Variants in FOXP2 observed in about 807,000 individuals in gnomAD.
FOXP2 encodes forkhead box protein P2.
In FOXP2, 12 loss-of-function variants were observed where a neutral mutation model predicts 115.8. The ratio of observed to expected loss-of-function variants is 0.10; its 90% confidence interval spans 0.07 to 0.17. FOXP2 has a LOEUF of 0.17. Ranked by LOEUF, FOXP2 falls within the 10% of genes least tolerant of loss-of-function variation. FOXP2 has a pLI of 1.00. For missense variants in FOXP2, 629 were observed against 843.5 expected (o/e 0.75, Z 3.15); for synonymous variants, 328 against 297.7 (o/e 1.10, Z -1.05).
At chr7:114,509,724 A>G (rs1797982929) in intron 2 of FOXP2, among the ~76,000 whole-genome samples, 1 of 151,918 alleles carries the variant, frequency 6.6e-6, no homozygotes, top group Non-Finnish European at 1.5e-5. Context: ...AAATTTCATA[A>G]TTTTATTTGA....
At chr7:114,360,519 A>G (rs1289725189) in intron 2 of FOXP2, among the ~76,000 whole-genome samples, 1 of 152,168 alleles carries the variant, frequency 6.6e-6, no homozygotes. Context: ...TGATATTATT[A>G]TATCACTAAG....
At chr7:114,325,539 T>C (rs1797534897) in intron 2 of FOXP2, among the ~76,000 whole-genome samples, 3 of 151,986 alleles carry the variant, frequency 2.0e-5, no homozygotes, top group Admixed American at 2.0e-4. Context: ...TCTAATTTTC[T>C]CAGTATATAT....
At chr7:114,330,482 TTA>T (rs35683793) in intron 2 of FOXP2, among the ~76,000 whole-genome samples, 67,720 of 145,702 alleles carry the variant, frequency 0.46, 17,063 homozygotes, top group East Asian at 0.83. Flanking sequence ...AAAAAAAAGT[TTA>T]TATATATATA....
chr7:114,573,871 A>G (rs1801440264), intron 3 of FOXP2, among the ~76,000 whole-genome samples: 2 of 151,868 alleles, frequency 1.3e-5, no homozygotes, highest in South Asian at 4.1e-4. Context: ...ATAATATTAC[A>G]TATTTGATAT....
At chr7:114,425,728 T>C (rs1180423332) in intron 1 of FOXP2, among the ~76,000 whole-genome samples, 1 of 151,686 alleles carries the variant, frequency 6.6e-6, no homozygotes, top group African/African-American at 2.4e-5. Context: ...TATTTGCCTA[T>C]GTTAAAATTG....
At chr7:114,136,846 A>G (rs1050279342) in intron 1 of FOXP2, among the ~76,000 whole-genome samples, 1 of 152,014 alleles carries the variant, frequency 6.6e-6, no homozygotes, top group Non-Finnish European at 1.5e-5. Context: ...GACAACATCA[A>G]TACTAATAAG....
chr7:114,595,987 C>T (rs10254622), intron 3 of FOXP2, among the ~76,000 whole-genome samples: 17,269 of 151,848 alleles, frequency 0.11, 1,080 homozygotes, highest in Middle Eastern at 0.18. Context: ...ATTCAGCTAC[C>T]TAATAATAAG....
intron 2 of FOXP2, among the ~76,000 whole-genome samples, chr7:114,360,984 T>C (rs1791731867): frequency 6.6e-6 from 1 of 152,282 alleles, no homozygotes; most frequent in East Asian, 1.9e-4. Context: ...GTGCTGATAA[T>C]TTTTTGGTTT....
chr7:114,164,111 C>A lies in FOXP2; in HGVS notation c.-102+1023C>A, dbSNP rs528166281. Reference sequence around the variant, plus strand: ...GTCCAAGTGGCCCACGGTGAAAAATCTACATAATTTCCAGGTTCATGTTTA... The same window carrying A: ...GTCCAAGTGGCCCACGGTGAAAAATATACATAATTTCCAGGTTCATGTTTA... On this transcript the variant is annotated intron_variant, in intron 1 of 17. Coordinates refer to the FOXP2 transcript ENST00000634411. Among the ~76,000 whole-genome samples, 103 of 152,264 alleles carry A rather than the reference C, an allele frequency of 6.8e-4. 1 individual carries two copies. Among genetic ancestry groups the A allele is most frequent in the African/African-American group, 2.2e-3 (92 of 41,560 alleles).
At chr7:114,176,462 C>T (rs1562993107) in intron 1 of FOXP2, among the ~76,000 whole-genome samples, 1 of 151,760 alleles carries the variant, frequency 6.6e-6, no homozygotes, top group African/African-American at 2.4e-5. Context: ...CCTCAGCTCC[C>T]CTGAGTAGCT....
chr7:114,500,645 A>G (rs1248867010), intron 2 of FOXP2, among the ~76,000 whole-genome samples: 1 of 152,186 alleles, frequency 6.6e-6, no homozygotes, highest in East Asian at 1.9e-4. Flanking sequence ...GATTAGATGA[A>G]TAAGTTGAGG....
At chr7:114,325,043 T>C (rs890400363) in intron 2 of FOXP2, among the ~76,000 whole-genome samples, 4 of 152,052 alleles carry the variant, frequency 2.6e-5, no homozygotes, top group South Asian at 2.1e-4. Flanking sequence ...TTATCCTTTA[T>C]GTTACAAGTA....
At chr7:114,625,702 A>G (rs1245937595) in intron 3 of FOXP2, among the ~76,000 whole-genome samples, 15 of 151,802 alleles carry the variant, frequency 9.9e-5, no homozygotes, top group Non-Finnish European at 1.9e-4. Flanking sequence ...GCATTTCTCA[A>G]ATTGCAAGTG....
chr7:114,521,985 A>T (rs1007788269), intron 2 of FOXP2, among the ~76,000 whole-genome samples: 14 of 152,216 alleles, frequency 9.2e-5, no homozygotes, highest in African/African-American at 3.1e-4. Flanking sequence ...CTAAAGAAAC[A>T]TACTTTTCAA....
intron 1 of FOXP2, among the ~76,000 whole-genome samples, chr7:114,242,671 G>T (rs886714071): frequency 3.9e-5 from 6 of 152,132 alleles, no homozygotes; most frequent in Non-Finnish European, 8.8e-5. Flanking sequence ...TTACTAGAAA[G>T]TTTCTCACTA....
chr7:114,204,082 A>G (rs1362050802), intron 1 of FOXP2, among the ~76,000 whole-genome samples: 1 of 151,998 alleles, frequency 6.6e-6, no homozygotes, highest in East Asian at 1.9e-4. Context: ...CTTCTGAGGC[A>G]TCTTCTTTAT....
chr7:114,179,606 G>T (rs1584527550), intron 1 of FOXP2, among the ~76,000 whole-genome samples: 1 of 151,996 alleles, frequency 6.6e-6, no homozygotes, highest in South Asian at 2.1e-4. Flanking sequence ...CAAGGTTAAT[G>T]TTAGTCTTTT....
chr7:114,117,737 C>T (rs1011690888), intron 1 of FOXP2, among the ~76,000 whole-genome samples: 1 of 152,086 alleles, frequency 6.6e-6, no homozygotes, highest in Non-Finnish European at 1.5e-5. Flanking sequence ...GCTGGCATAA[C>T]CAATTACCAT....
At chr7:114,427,063 T>C (rs1344879526) in intron 2 of FOXP2, among the ~76,000 whole-genome samples, 1 of 151,688 alleles carries the variant, frequency 6.6e-6, no homozygotes, top group Non-Finnish European at 1.5e-5. Context: ...TTTCTTCAAG[T>C]CTGAGCTAAG....
Sources: allele counts gnomAD v4.1 joint callset (sites outside exome capture counted in the v4.1 genomes callset), GRCh38; gene constraint gnomAD v4.1.1; transcripts MANE v1.5; gene names NCBI Gene and HGNC (gene_info 2026-07-23, HGNC 2026-07-21).